SPTB: variants seen among roughly 807,000 people sequenced by gnomAD.
SPTB encodes the protein spectrin beta, erythrocytic, also known as spectrin beta chain, erythrocytic.
Under a neutral mutation model 256.2 loss-of-function variants are expected in SPTB, and 45 were observed. The observed-to-expected ratio is 0.18, with a 90% CI of 0.14 to 0.23. The LOEUF (loss-of-function observed/expected upper bound fraction) is 0.23, where lower values mean the gene tolerates loss of function less well. Among genes scored for constraint, SPTB ranks in the 10% least tolerant of loss-of-function variants. The pLI is 1.00. For missense variants in SPTB, 2,715 were observed against 3,040.4 expected, an observed-to-expected ratio of 0.89 and a Z score of 2.52; for synonymous variants, 1,231 against 1,243.1, an observed-to-expected ratio of 0.99 and a Z score of 0.21.
intron 10 of SPTB, among the ~76,000 whole-genome samples, chr14:64,797,488 AAAAAAAAAAAAAAAG>A (rs1225832923): frequency 1.4e-5 from 2 of 146,288 alleles, no homozygotes; most frequent in East Asian, 2.0e-4. Flanking sequence ...AAAAAAAAAA[AAAAAAAAAAAAAAAG>A]GACTCAGGGA....
Position 64,849,569 on chromosome 14 carries a change from A to G in SPTB, c.-51-26424T>C, listed in dbSNP as rs952660933. Among the ~76,000 whole-genome samples the G allele has an allele frequency of 2.6e-5, 4 of 152,336 alleles. No homozygotes were observed. In the South Asian group the frequency reaches 8.3e-4, roughly 32 times the overall value. On this transcript the variant is annotated intron_variant, in intron 1 of 35. Coordinates refer to ENST00000644917, the MANE Select transcript of SPTB (RefSeq NM_001355436.2). ...ACAATATTTGTGCATCTCCTCTTTT[A>G]GAGCAAAATTTTACATTTTCACCTG... is the stretch of plus-strand genomic sequence containing the variant.
chr14:64,750,875 G>A (rs1317299252), intron 33 of SPTB, among the ~76,000 whole-genome samples: 1 of 141,398 alleles, frequency 7.1e-6, no homozygotes, highest in African/African-American at 2.6e-5. Flanking sequence ...TACCTATTAT[G>A]TATAATATAT....
chr14:64,783,984 C>G (rs1418291558), intron 19 of SPTB, among the ~76,000 whole-genome samples: 1 of 152,238 alleles, frequency 6.6e-6, no homozygotes, highest in Non-Finnish European at 1.5e-5. Context: ...GCACTGGACA[C>G]TGAAGCTCTA....
intron 15 of SPTB, among the ~76,000 whole-genome samples, chr14:64,787,478 A>AT (rs1394313711): frequency 6.6e-6 from 1 of 152,170 alleles, no homozygotes. Context: ...CAAATATACA[A>AT]TTTCCCCAGA....
intron 4 of SPTB, among the ~76,000 whole-genome samples, chr14:64,803,360 C>A (rs2082924480): frequency 6.6e-6 from 1 of 152,146 alleles, no homozygotes. Context: ...ACCCAGCTAC[C>A]AATTAATTTC....
chr14:64,749,903 C>T lies in SPTB; in HGVS notation c.6776+78G>A. 1 of 1,595,938 alleles carries T rather than the reference C, an allele frequency of 6.3e-7. No homozygotes were observed. Among genetic ancestry groups the T allele is most frequent in the Non-Finnish European group, 8.6e-7 (1 of 1,163,922 alleles). On this transcript the variant is annotated intron_variant, in intron 34 of 35. Transcript: ENST00000644917. The surrounding 1 kb of genome is among the most constrained non-coding windows in gnomAD (Gnocchi z 4.7). ...GCAGCTCAGGCCTGGCACTGGTCCC[C>T]TACAGAGGGCCTCTGCCCTGCCACT...
chr14:64,763,429 C>T (rs1273217294), intron 32 of SPTB, among the ~76,000 whole-genome samples: 1 of 152,252 alleles, frequency 6.6e-6, no homozygotes, highest in African/African-American at 2.4e-5. Flanking sequence ...CATCTCCCGT[C>T]TCACACCAGT....
Position 64,787,183 on chromosome 14 carries a change from G to A in SPTB, c.2805-23C>T, listed in dbSNP as rs144623579. On this transcript the variant is annotated intron_variant, in intron 15 of 35. Coordinates refer to ENST00000644917, the MANE Select transcript of SPTB (RefSeq NM_001355436.2). Reference sequence around the variant, plus strand: ...CACCTGCCGGATGGGGACACAGCCCGGAGGAGAGAGACACCTTCTCCCTTA... The same window carrying A: ...CACCTGCCGGATGGGGACACAGCCCAGAGGAGAGAGACACCTTCTCCCTTA... 930 of 1,600,940 alleles carry A rather than the reference G, an allele frequency of 5.8e-4. 4 individuals are homozygous for A. In the African/African-American group the frequency reaches 8.7e-3, roughly 15 times the overall value.
At chr14:64,752,593 T>C (rs986941985) in intron 33 of SPTB, among the ~76,000 whole-genome samples, 2 of 152,202 alleles carry the variant, frequency 1.3e-5, no homozygotes, top group Admixed American at 6.5e-5. Flanking sequence ...CACAGGATTG[T>C]TGGGAAGATT....
chr14:64,775,540 G>C lies in SPTB; in HGVS notation c.4564-137C>G. On this transcript the variant is annotated intron_variant, in intron 22 of 35. Coordinates refer to ENST00000644917, the MANE Select transcript of SPTB (RefSeq NM_001355436.2). This position sits in a 1 kb window ranked among gnomAD's most constrained non-coding sequence, Gnocchi z 5.0. The stretch of plus-strand genomic sequence containing the variant: ...AGAGCAGAGCAGGTGATGGCGATAA[G>C]AACTACCAATGACCTCTTGCGGGCT... 8.4e-7 allele frequency: 1 copy of C among 1,189,410 alleles called. No individual in the cohort carries two copies. 73.7% of individuals were successfully genotyped at this position (1,189,410 alleles called of 1,614,324 possible). A position where few individuals can be genotyped will look rare whatever the true frequency, so the allele number is the denominator to read the frequency against.
chr14:64,766,561 G>T, intron 32 of SPTB, 165 bp downstream of exon 32: 1 of 1,573,210 alleles, frequency 6.4e-7, no homozygotes. Flanking sequence ...ACCTCAGTGA[G>T]GACGTAGCCT....
rs574982657 is a variant in SPTB at position 64,766,464 on chromosome 14, A to G, written c.6345+262T>C. 1,082 of 1,426,532 alleles carry G rather than the reference A, an allele frequency of 7.6e-4. 3 individuals carry two copies. The highest frequency in any genetic ancestry group is 9.1e-4 in the Non-Finnish European group (1,000 of 1,095,046). The allele number at this position is 1,426,532 out of a possible 1,614,324, so 88.4% of individuals were successfully genotyped here. On this transcript the variant is annotated intron_variant, in intron 32 of 35. Coordinates refer to ENST00000644917, the MANE Select transcript of SPTB (RefSeq NM_001355436.2). Reference sequence around the variant, plus strand: ...TAAAATTTATTACATTAGGTAAAACAAAACTAATAACGTCATGTCACTGGG... The same window carrying G: ...TAAAATTTATTACATTAGGTAAAACGAAACTAATAACGTCATGTCACTGGG...
Position 64,779,082 on chromosome 14 carries a change from G to T in SPTB, c.4563+75C>A. ...TGTTGCTAGCCTTCTGCAGGTCAGGGCTGGGCCTACCCCCGTGGGGCCAGG... is the reference window on the plus strand; with the variant it reads ...TGTTGCTAGCCTTCTGCAGGTCAGGTCTGGGCCTACCCCCGTGGGGCCAGG... On this transcript the variant is annotated intron_variant, in intron 22 of 35. Transcript: ENST00000644917. The surrounding 1 kb of genome is among the most constrained non-coding windows in gnomAD (Gnocchi z 4.2). 1 of 1,207,218 alleles carries T rather than the reference G, an allele frequency of 8.3e-7. No individual in the cohort carries two copies. Among genetic ancestry groups the T allele is most frequent in the East Asian group, 2.4e-5 (1 of 40,952 alleles). 74.8% of individuals were successfully genotyped at this position (1,207,218 alleles called of 1,614,324 possible). A position where few individuals can be genotyped will look rare whatever the true frequency, so the allele number is the denominator to read the frequency against.
In SPTB at chr14:64,793,585, A is replaced by C; in HGVS notation, c.2078T>G (p.Leu693Arg). The change falls in exon 14 of 36, where the codon CTG (leucine) becomes CGG (arginine). Residue 693 changes from leucine to arginine, a missense_variant. Leu to Arg is a moderately radical substitution (Grantham distance 102). Around this residue, in one of 4 missense-constraint regions of SPTB, gnomAD observed 2,239 missense variants for 2,384.4 expected, o/e 0.94. Transcript: ENST00000644917. The surrounding 1 kb of genome is among the most constrained non-coding windows in gnomAD (Gnocchi z 7.0). ...EDELRGLDAHLEQIFQEAHGM... is the reference protein window; with the variant it reads ...EDELRGLDAHREQIFQEAHGM... The stretch of plus-strand genomic sequence containing the variant: ...ATGAGCCTCCTGGAAGATCTGCTCC[A>C]GGTGAGCATCCAGCCCACGGAGCTC... 6.2e-7 allele frequency: 1 copy of C among 1,614,212 alleles called. No homozygotes were observed. Among genetic ancestry groups the C allele is most frequent in the African/African-American group, 1.3e-5 (1 of 75,074 alleles).
chr14:64,791,071 T>C (rs562468617), intron 15 of SPTB, among the ~76,000 whole-genome samples: 1 of 152,342 alleles, frequency 6.6e-6, no homozygotes, highest in East Asian at 1.9e-4. Context: ...AAATATAGCA[T>C]GAGAAGCATA....
In SPTB at chr14:64,779,624, A is replaced by T; in HGVS notation, c.4473+101T>A. On this transcript the variant is annotated intron_variant, in intron 21 of 35. Coordinates refer to ENST00000644917, the MANE Select transcript of SPTB (RefSeq NM_001355436.2). The surrounding 1 kb of genome is among the most constrained non-coding windows in gnomAD (Gnocchi z 4.2). ...CTATGAGATAAGGGGTGAGGTGACC[A>T]GTCATCTACTGCCAAAAATTGCTCT... The T allele has an allele frequency of 8.4e-7, 1 of 1,191,026 alleles. No individual in the cohort carries two copies. The highest frequency in any genetic ancestry group is 1.3e-6 in the Non-Finnish European group (1 of 798,088). The allele number at this position is 1,191,026 out of a possible 1,614,324, so 73.8% of individuals were successfully genotyped here.
chr14:64,796,441 T>A lies in SPTB; in HGVS notation c.1341+116A>T. ...GATCCACTGGATCACGGGGGAGCTGTGCTGCAAGGCACGAGGAGAGGCTGT... is the reference window on the plus strand; with the variant it reads ...GATCCACTGGATCACGGGGGAGCTGAGCTGCAAGGCACGAGGAGAGGCTGT... On this transcript the variant is annotated intron_variant, in intron 11 of 35. Coordinates refer to ENST00000644917, the MANE Select transcript of SPTB (RefSeq NM_001355436.2). This position sits in a 1 kb window ranked among gnomAD's most constrained non-coding sequence, Gnocchi z 4.1. The A allele has an allele frequency of 7.3e-7, 1 of 1,374,512 alleles. No individual in the cohort carries two copies. Among genetic ancestry groups the A allele is most frequent in the Non-Finnish European group, 1.0e-6 (1 of 972,586 alleles). 85.1% of individuals were successfully genotyped at this position (1,374,512 alleles called of 1,614,324 possible).
In SPTB at chr14:64,824,711, GACACA is replaced by G. The variant is rs2083350481; in HGVS notation, c.-51-1571_-51-1567del. Among the ~76,000 whole-genome samples, 1 of 151,592 alleles carries G rather than the reference GACACA, an allele frequency of 6.6e-6. No individual in the cohort carries two copies. On this transcript the variant is annotated intron_variant, in intron 1 of 35. Coordinates refer to ENST00000644917, the MANE Select transcript of SPTB (RefSeq NM_001355436.2). This position sits in a 1 kb window ranked among gnomAD's most constrained non-coding sequence, Gnocchi z 5.7. ...CACACAGGCTCATATCTGACACACT[GACACA>G]CACCAGCACACACATGCACATCCAC...
intron 24 of SPTB, among the ~76,000 whole-genome samples, chr14:64,773,907 C>G (rs879058997): frequency 2.0e-5 from 3 of 152,172 alleles, no homozygotes; most frequent in Non-Finnish European, 4.4e-5. Flanking sequence ...GAGGACAGGG[C>G]CATGGCTGGG....
Sources: allele counts gnomAD v4.1 joint callset (sites outside exome capture counted in the v4.1 genomes callset), GRCh38; gene constraint gnomAD v4.1.1; regional missense constraint gnomAD v4.1.1; non-coding constraint Gnocchi (gnomAD v3.1); transcripts MANE v1.5; gene names NCBI Gene and HGNC (gene_info 2026-07-23, HGNC 2026-07-21).